Variants in SPG21 observed in about 807,000 individuals in gnomAD.
The protein encoded by SPG21 is SPG21 abhydrolase domain containing, maspardin, also known as maspardin.
Under a neutral mutation model 38.9 loss-of-function variants are expected in SPG21, and 26 were observed. The observed-to-expected ratio is 0.67, with a 90% CI of 0.49 to 0.93. The LOEUF (loss-of-function observed/expected upper bound fraction) is 0.93. SPG21 is among the 40% of genes least tolerant of loss of function. SPG21 has a pLI of 0.00. For missense variants in SPG21, 333 were observed against 376.5 expected (o/e 0.88, Z 0.96); for synonymous variants, 136 against 128.9 (o/e 1.05, Z -0.37).
chr15:64,963,632 C>T lies in SPG21; in HGVS notation c.915G>A (p.Gln305=). ...AGCGAGAGACACACTACTGCTCCTC[C>T]TGGCTGATGCCAAGGCTGCCTTTCT... The part of the protein sequence containing the change: ...EVQKGSLGIS[Q]EEQ The change falls in exon 9 of 9, where the codon CAG becomes CAA. Residue 305 remains glutamine, a synonymous_variant. Coordinates refer to ENST00000204566, the MANE Select transcript of SPG21 (RefSeq NM_016630.7). 1 of 1,613,878 alleles carries T rather than the reference C, an allele frequency of 6.2e-7. No homozygotes were observed. Among genetic ancestry groups the T allele is most frequent in the South Asian group, 1.1e-5 (1 of 91,068 alleles).
At position 64,965,183 on chromosome 15, in the gene SPG21, C is replaced by G. The variant is rs1488197932; in HGVS notation, c.810+137G>C. 2.5e-6 allele frequency: 3 copies of G among 1,210,162 alleles called. No homozygotes were observed. In the African/African-American group the frequency reaches 4.5e-5, roughly 18 times the overall value. The allele number at this position is 1,210,162 out of a possible 1,614,324, so 75.0% of individuals were successfully genotyped here. A position where few individuals can be genotyped will look rare whatever the true frequency, so the allele number is the denominator to read the frequency against. On this transcript the variant is annotated intron_variant, in intron 8 of 8. Coordinates refer to ENST00000204566, the MANE Select transcript of SPG21 (RefSeq NM_016630.7). ...TCCTACAAGTTATAAATGTAAACCA[C>G]TTTTATCAAGTCAATGCCTCATTTC...
chr15:64,977,739 C>G (rs922893736), intron 3 of SPG21, among the ~76,000 whole-genome samples: 1 of 152,044 alleles, frequency 6.6e-6, no homozygotes, highest in African/African-American at 2.4e-5. Flanking sequence ...CGTAGCCTAT[C>G]TATTAATGCT....
chr15:64,963,300 C>T lies in SPG21; in HGVS notation c.*320G>A, dbSNP rs531539211. On this transcript the variant is annotated 3_prime_UTR_variant, in exon 9 of 9. Coordinates refer to ENST00000204566, the MANE Select transcript of SPG21 (RefSeq NM_016630.7). ...AAGAAGAAAAAAACCACCACAAAGT[C>T]CCAAACCTCAGAAATTAACATTCAC... The T allele has an allele frequency of 1.6e-5, 4 of 257,650 alleles. No homozygotes were observed. The highest frequency in any genetic ancestry group is 1.5e-4 in the Admixed American group (3 of 20,070). 16.0% of individuals were successfully genotyped at this position (257,650 alleles called of 1,614,324 possible). A position where few individuals can be genotyped will look rare whatever the true frequency, so the allele number is the denominator to read the frequency against.
intron 1 of SPG21, chr15:64,987,151 A>AAAT (rs1182250728): frequency 6.6e-6 from 1 of 152,200 alleles, no homozygotes; most frequent in East Asian, 1.9e-4. Flanking sequence ...CCATAGCAGT[A>AAAT]AATAGAAAGA....
At chr15:64,970,072 T>A (rs770691885) in intron 6 of SPG21, 42 bp downstream of exon 6, 10 of 1,489,466 alleles carry the variant, frequency 6.7e-6, no homozygotes, top group Admixed American at 1.7e-5. Flanking sequence ...ATGTGAAAAT[T>A]CCCAATACAA....
chr15:64,980,870 A>T lies in SPG21; in HGVS notation c.219T>A (p.Val73=). 1 of 1,614,064 alleles carries T rather than the reference A, an allele frequency of 6.2e-7. No individual in the cohort carries two copies. ...ILALTGWGYR[V]IALQYPVYWD... is the part of the protein sequence containing the mutation. ...TTTAATCAGTAATACTTACAGCGATAACCCGGTAACCCCATCCAGTCAGAG... is the reference window on the plus strand; with the variant it reads ...TTTAATCAGTAATACTTACAGCGATTACCCGGTAACCCCATCCAGTCAGAG... Residue 73 remains valine (V), a synonymous_variant, in exon 3 of 9, where the codon GTT becomes GTA. Coordinates refer to ENST00000204566, the MANE Select transcript of SPG21 (RefSeq NM_016630.7).
In SPG21 at chr15:64,976,604, T is replaced by C. The variant is rs1014870400; in HGVS notation, c.226-49A>G. The C allele has an allele frequency of 4.9e-6, 7 of 1,436,230 alleles. No individual in the cohort carries two copies. In the Admixed American group the frequency reaches 5.2e-5, roughly 11 times the overall value. The allele number at this position is 1,436,230 out of a possible 1,614,324, so 89.0% of individuals were successfully genotyped here. ...TTTTTAAAAATCATAAAAGTAAAAA[T>C]GCAACTCACGTATTTGAAAAACTTA... On this transcript the variant is annotated intron_variant, in intron 3 of 8. Transcript: ENST00000204566.
chr15:64,986,662 A>G (rs1038170422), intron 1 of SPG21, among the ~76,000 whole-genome samples: 1 of 151,784 alleles, frequency 6.6e-6, no homozygotes, highest in African/African-American at 2.4e-5. Flanking sequence ...CCTGGGTGAC[A>G]GAGTGAGAGT....
At chr15:64,983,418 C>T in intron 2 of SPG21, 89 bp downstream of exon 2, 1 of 960,222 alleles carries the variant, frequency 1.0e-6, no homozygotes, top group Non-Finnish European at 1.6e-6. Flanking sequence ...AACCTTTACT[C>T]TCAAACACTA....
chr15:64,972,590 T>C (rs1007762634), intron 5 of SPG21, among the ~76,000 whole-genome samples: 1 of 152,160 alleles, frequency 6.6e-6, no homozygotes, highest in African/African-American at 2.4e-5. Context: ...CCCAGCACTT[T>C]GGGAGGCTGA....
intron 4 of SPG21, among the ~76,000 whole-genome samples, chr15:64,975,666 T>C (rs1364085601): frequency 6.6e-6 from 1 of 152,194 alleles, no homozygotes; most frequent in Non-Finnish European, 1.5e-5. Flanking sequence ...TACATGAATG[T>C]TCATGGCAGC....
chr15:64,981,246 A>C, intron 2 of SPG21: 1 of 550,016 alleles, frequency 1.8e-6, no homozygotes, highest in Non-Finnish European at 3.2e-6. Flanking sequence ...CTACTTTATA[A>C]TCTTCCAAAG....
chr15:64,969,470 G>A (rs1054865274), intron 6 of SPG21, 108 bp from the exon 7 acceptor site: 3 of 831,390 alleles, frequency 3.6e-6, no homozygotes, highest in Non-Finnish European at 6.2e-6. Context: ...ATCTGTGGTG[G>A]GGCCAGAAAA....
chr15:64,982,147 T>C (rs6494507), intron 2 of SPG21, among the ~76,000 whole-genome samples: 2,098 of 144,644 alleles, frequency 0.015, 49 homozygotes, highest in African/African-American at 0.051. Flanking sequence ...CTTTTCTTTT[T>C]TTTTTTTTTT....
intron 7 of SPG21, 26 bp from the exon 8 acceptor site, chr15:64,965,486 C>T (rs1178393257): frequency 1.9e-6 from 3 of 1,613,906 alleles, no homozygotes; most frequent in Non-Finnish European, 2.5e-6. Flanking sequence ...AGCTTCAGCA[C>T]CATAGGAAAG....
intron 3 of SPG21, 91 bp downstream of exon 3, chr15:64,980,773 T>C (rs2085868185): frequency 1.6e-6 from 2 of 1,246,790 alleles, no homozygotes; most frequent in South Asian, 1.3e-5. Flanking sequence ...ACAAACAAAC[T>C]GTGCCCATTA....
chr15:64,975,408 G>A (rs1331396759), intron 4 of SPG21, among the ~76,000 whole-genome samples: 2 of 151,514 alleles, frequency 1.3e-5, no homozygotes, highest in African/African-American at 2.4e-5. Flanking sequence ...CGTGCCTAGA[G>A]TCCTAGCTAC....
chr15:64,983,497 C>T lies in SPG21; in HGVS notation c.63+10G>A. 6.4e-7 allele frequency: 1 copy of T among 1,562,130 alleles called. No individual in the cohort carries two copies. The highest frequency in any genetic ancestry group is 8.7e-7 in the Non-Finnish European group (1 of 1,146,368). On this transcript the variant is annotated intron_variant, in intron 2 of 8. Transcript: ENST00000204566. ...TTTGCAAATAAGAGGTATAGTAAAA[C>T]CATACATACCTTTTTAAGGGGAACT...
chr15:64,965,160 C>T (rs1158609093), intron 8 of SPG21, among the ~76,000 whole-genome samples, 160 bp downstream of exon 8: 1 of 152,148 alleles, frequency 6.6e-6, no homozygotes, highest in Non-Finnish European at 1.5e-5. Flanking sequence ...TCAAATTCTC[C>T]TACAAGTTAT....
Sources: gnomAD v4.1 joint callset for allele counts (sites outside exome capture counted in the v4.1 genomes callset) on GRCh38, gnomAD v4.1.1 for gene constraint, MANE v1.5 for transcripts, NCBI Gene and HGNC (gene_info 2026-07-23, HGNC 2026-07-21) for gene names.